ANKRD11: variants seen among roughly 807,000 people sequenced by gnomAD.
ANKRD11 encodes ankyrin repeat domain 11, also known as ankyrin repeat domain-containing protein 11.
A neutral mutation model predicts 195.7 loss-of-function variants in ANKRD11; 17 were observed. The observed-to-expected ratio is 0.09, with a 90% CI of 0.06 to 0.13. ANKRD11 has a LOEUF of 0.13. Among genes scored for constraint, ANKRD11 ranks in the 10% least tolerant of loss-of-function variants. The pLI is 1.00. For synonymous variants in ANKRD11, 1,953 were observed against 1,528.1 expected (o/e 1.28, Z -6.49); for missense variants, 3,735 against 3,566.1 (o/e 1.05, Z -1.21).
intron 1 of ANKRD11, among the ~76,000 whole-genome samples, chr16:89,462,290 C>A (rs1188670391): frequency 6.6e-6 from 1 of 152,118 alleles, no homozygotes; most frequent in Non-Finnish European, 1.5e-5. Flanking sequence ...AGGCCGGTCT[C>A]CAGCCCCTAA....
At chr16:89,372,683 G>A (rs993971479) in intron 2 of ANKRD11, among the ~76,000 whole-genome samples, 3 of 152,120 alleles carry the variant, frequency 2.0e-5, no homozygotes, top group Non-Finnish European at 4.4e-5. Context: ...AGGAGGAGAT[G>A]GATCAACCCG....
At chr16:89,329,686 T>C (rs1400297949) in intron 2 of ANKRD11, among the ~76,000 whole-genome samples, 1 of 152,208 alleles carries the variant, frequency 6.6e-6, no homozygotes, top group Non-Finnish European at 1.5e-5. Flanking sequence ...TTTTGTGTAT[T>C]TGGCTTTGGA....
Position 89,280,810 on chromosome 16 carries a change from A to T in ANKRD11, c.5732T>A (p.Leu1911Gln), listed in dbSNP as rs147009716. 1 of 1,605,476 alleles carries T rather than the reference A, an allele frequency of 6.2e-7. No homozygotes were observed. The highest frequency in any genetic ancestry group is 1.3e-5 in the African/African-American group (1 of 74,862). Residue 1911 changes from leucine (L) to glutamine (Q), a missense_variant, in exon 9 of 13, where the codon CTG becomes CAG. Leu to Gln is a moderately radical substitution (Grantham distance 113). Transcript: ENST00000301030. Reference sequence around the variant, plus strand: ...CGCCTGCTGGTCCTCGGAGGTGTCCAGGTCCGGGGGAAGGGCCCCTTCGAG... The same window carrying T: ...CGCCTGCTGGTCCTCGGAGGTGTCCTGGTCCGGGGGAAGGGCCCCTTCGAG... ...PSLEGALPPDLDTSEDQQATA... is the reference protein window; with the variant it reads ...PSLEGALPPDQDTSEDQQATA...
intron 1 of ANKRD11, among the ~76,000 whole-genome samples, chr16:89,423,020 C>G (rs987843125): frequency 6.6e-6 from 1 of 152,200 alleles, no homozygotes; most frequent in Non-Finnish European, 1.5e-5. Flanking sequence ...CAACTGACAG[C>G]AGAGAAAAAC....
intron 1 of ANKRD11, among the ~76,000 whole-genome samples, chr16:89,442,588 A>C (rs750990087): frequency 1.1e-4 from 16 of 152,192 alleles, no homozygotes; most frequent in Non-Finnish European, 1.9e-4. Flanking sequence ...AGTATCATTC[A>C]GGAACGGTTT....
chr16:89,389,734 A>G (rs1254337373), intron 2 of ANKRD11, among the ~76,000 whole-genome samples: 942 of 119,844 alleles, frequency 7.9e-3, no homozygotes, highest in Middle Eastern at 0.075. Flanking sequence ...TCACTGGGGC[A>G]AACACCGAGT....
rs141168665 is a variant in ANKRD11, at chr16:89,284,717, T to C, written c.1825A>G (p.Ser609Gly). Reference sequence around the variant, plus strand: ...CCCTCCGCGCTGGACAGGAAGGGGCTCTTCTTCTCCGACAGGGAGGCTCGC... The same window carrying C: ...CCCTCCGCGCTGGACAGGAAGGGGCCCTTCTTCTCCGACAGGGAGGCTCGC... ...RKRASLSEKK[S>G]PFLSSAEGAV... Residue 609 changes from serine to glycine, a missense_variant, in exon 9 of 13, where the codon AGC (serine) becomes GGC (glycine). Physicochemically the swap from Ser to Gly is moderately conservative, Grantham distance 56 (BLOSUM62 0). Coordinates refer to ENST00000301030, the MANE Select transcript of ANKRD11 (RefSeq NM_013275.6). 1.2e-4 allele frequency: 197 copies of C among 1,613,556 alleles called. No homozygotes were observed. Among genetic ancestry groups the C allele is most frequent in the Non-Finnish European group, 1.5e-4 (174 of 1,179,836 alleles).
chr16:89,444,289 C>T (rs1038007436), intron 1 of ANKRD11, among the ~76,000 whole-genome samples: 4 of 152,096 alleles, frequency 2.6e-5, no homozygotes, highest in Non-Finnish European at 4.4e-5. Flanking sequence ...AATGCTCCTG[C>T]CCAAAGCCCA....
At chr16:89,290,456 TGAGGCTCAGGGCTCCAGC>T (rs2034980829) in intron 6 of ANKRD11, among the ~76,000 whole-genome samples, 151 bp downstream of exon 6, 1 of 22,134 alleles carries the variant, frequency 4.5e-5, no homozygotes, top group African/African-American at 1.9e-4. Context: ...TCCAATGGGG[TGAGGCTCAGGGCTCCAGC>T]GGGGGAGGCT....
chr16:89,378,272 G>A (rs1347758438), intron 2 of ANKRD11, among the ~76,000 whole-genome samples: 1 of 152,142 alleles, frequency 6.6e-6, no homozygotes, highest in Non-Finnish European at 1.5e-5. Flanking sequence ...GGAAGGCACT[G>A]GTCAACAAAA....
At chr16:89,459,741 T>C (rs147109759) in intron 1 of ANKRD11, among the ~76,000 whole-genome samples, 2 of 152,276 alleles carry the variant, frequency 1.3e-5, no homozygotes, top group Admixed American at 1.3e-4. Context: ...AGAGGATTTC[T>C]TGAGGCGTCT....
intron 2 of ANKRD11, among the ~76,000 whole-genome samples, chr16:89,351,942 A>T (rs972907907): frequency 6.6e-6 from 1 of 152,052 alleles, no homozygotes; most frequent in South Asian, 2.1e-4. Flanking sequence ...AGACAGTCTC[A>T]CTCTGTCGCC....
chr16:89,392,196 C>T (rs1038381344), intron 2 of ANKRD11, among the ~76,000 whole-genome samples: 11 of 152,336 alleles, frequency 7.2e-5, no homozygotes, highest in Non-Finnish European at 1.5e-4. Context: ...CTCCTTCATT[C>T]GGTGTACTCT....
At chr16:89,348,567 T>C (rs1300377931) in intron 2 of ANKRD11, among the ~76,000 whole-genome samples, 2 of 152,204 alleles carry the variant, frequency 1.3e-5, no homozygotes, top group African/African-American at 4.8e-5. Context: ...AAGTCAGTCA[T>C]CCGGGACTGA....
chr16:89,285,076 C>T lies in ANKRD11; in HGVS notation c.1466G>A (p.Gly489Glu), dbSNP rs1234296741. 6.2e-7 allele frequency: 1 copy of T among 1,613,894 alleles called. No individual in the cohort carries two copies. Among genetic ancestry groups the T allele is most frequent in the African/African-American group, 1.3e-5 (1 of 75,058 alleles). ...SESESESSES[G>E]EDDRDSLGSS... ...CCCCAGAGAGTCCCTGTCATCCTCC[C>T]CACTCTCTGAGGACTCGCTCTCCGA... Residue 489 changes from glycine to glutamate, a missense_variant, in exon 9 of 13, where the codon GGG becomes GAG. By Grantham distance (98) the Gly-to-Glu change is moderately conservative. Transcript: ENST00000301030. This position sits in a 1 kb window ranked among gnomAD's most constrained non-coding sequence, Gnocchi z 5.6.
intron 7 of ANKRD11, chr16:89,287,020 A>G (rs1295772382): frequency 3.1e-6 from 4 of 1,289,492 alleles, no homozygotes; most frequent in Non-Finnish European, 4.0e-6. Context: ...TGAGTTTTCT[A>G]TGGTGACTAC....
At chr16:89,296,702 G>A (rs2035458271) in intron 4 of ANKRD11, among the ~76,000 whole-genome samples, 1 of 152,220 alleles carries the variant, frequency 6.6e-6, no homozygotes. Context: ...TCAACGTCTT[G>A]TAATTCCAAC....
At chr16:89,483,522 A>G (rs1278463164) in intron 1 of ANKRD11, among the ~76,000 whole-genome samples, 1 of 152,242 alleles carries the variant, frequency 6.6e-6, no homozygotes, top group Non-Finnish European at 1.5e-5. Flanking sequence ...GTGTCAGGGG[A>G]AAAATGCCTG....
chr16:89,334,170 A>AAAAAAAAC (rs2038222478), intron 2 of ANKRD11, among the ~76,000 whole-genome samples: 3 of 34,412 alleles, frequency 8.7e-5, no homozygotes, highest in African/African-American at 2.3e-4. Flanking sequence ...AAAAAAAAAA[A>AAAAAAAAC]AAACAGAGAG....
Sources: gnomAD v4.1 joint callset for allele counts (sites outside exome capture counted in the v4.1 genomes callset) on GRCh38, gnomAD v4.1.1 for gene constraint, Gnocchi (gnomAD v3.1) non-coding constraint, MANE v1.5 for transcripts, NCBI Gene and HGNC (gene_info 2026-07-23, HGNC 2026-07-21) for gene names.